The following CLASP2 variants were observed in gnomAD, a reference collection of about 807,000 sequenced individuals.
CLASP2 encodes the protein cytoplasmic linker associated protein 2, also known as CLIP-associating protein 2.
CLASP2 carries 47 observed loss-of-function variants against 194.4 expected under a neutral mutation model. The ratio of observed to expected loss-of-function variants is 0.24; its 90% CI spans 0.19 to 0.31. The LOEUF is 0.31. Among genes scored for constraint, CLASP2 ranks in the 10% least tolerant of loss-of-function variants. The pLI is 1.00. For missense variants in CLASP2, 1,445 were observed against 1,823.6 expected (o/e 0.79, Z 3.78); for synonymous variants, 619 against 633.5 (o/e 0.98, Z 0.34).
At chr3:33,619,402 T>C (rs1446912517) in intron 12 of CLASP2, among the ~76,000 whole-genome samples, 2 of 152,154 alleles carry the variant, frequency 1.3e-5, no homozygotes, top group African/African-American at 4.8e-5. Flanking sequence ...TTTGCAATCC[T>C]CTAGTTCTAT....
chr3:33,717,850 T>A lies in CLASP2; in HGVS notation c.153A>T (p.Thr51=). 1 of 1,565,366 alleles carries A rather than the reference T, an allele frequency of 6.4e-7. No homozygotes were observed. Among genetic ancestry groups the A allele is most frequent in the Admixed American group, 1.9e-5 (1 of 52,508 alleles). ...LEEDLGRLGK[T]VDALTGWVGS... is the part of the protein sequence containing the mutation. ...CCACCCAGCCGGTGAGCGCGTCGAC[T>A]GTCTTGCCTAGGCGGCCCAGGTCCT... The change falls in exon 1 of 39, where the codon ACA becomes ACT. Residue 51 remains threonine, a synonymous_variant. Coordinates refer to ENST00000682230, the MANE Select transcript of CLASP2 (RefSeq NM_001365631.1).
At chr3:33,566,781 GA>G (rs750368011) in intron 26 of CLASP2, 47 bp from the exon 27 acceptor site, 6 of 415,778 alleles carry the variant, frequency 1.4e-5, no homozygotes, top group East Asian at 7.6e-5. Flanking sequence ...AAGAAAAAAA[GA>G]AAAAAAAGAA....
chr3:33,556,618 G>A (rs896470669), intron 29 of CLASP2, among the ~76,000 whole-genome samples: 1 of 151,840 alleles, frequency 6.6e-6, no homozygotes, highest in Non-Finnish European at 1.5e-5. Context: ...TGTATTTTTA[G>A]TAGAGACATG....
chr3:33,711,609 A>G (rs1382871504), intron 1 of CLASP2, among the ~76,000 whole-genome samples: 1 of 151,926 alleles, frequency 6.6e-6, no homozygotes, highest in Admixed American at 6.6e-5. Context: ...ATGAAGACAG[A>G]AAATAGAATT....
intron 1 of CLASP2, among the ~76,000 whole-genome samples, chr3:33,714,380 T>C (rs2093185964): frequency 6.6e-6 from 1 of 152,204 alleles, no homozygotes; most frequent in Non-Finnish European, 1.5e-5. Context: ...CAACTGTCTA[T>C]CATCTCAACT....
intron 34 of CLASP2, among the ~76,000 whole-genome samples, 164 bp downstream of exon 34, chr3:33,535,069 G>A (rs2057080981): frequency 6.6e-6 from 1 of 152,142 alleles, no homozygotes; most frequent in Non-Finnish European, 1.5e-5. Context: ...AGAAGAAAAT[G>A]ACCAAAGCAC....
rs2048189726 is a variant in CLASP2 at position 33,506,377 on chromosome 3, C to CAAAAAAAAAAAAAAAAAAAAA, written c.4317+4180_4317+4181insTTTTTTTTTTTTTTTTTTTTT. On this transcript the variant is annotated intron_variant, in intron 37 of 38. Coordinates refer to ENST00000682230, the MANE Select transcript of CLASP2 (RefSeq NM_001365631.1). ...TGGGTGACAGAGTGAGACTCTGTCT[C>CAAAAAAAAAAAAAAAAAAAAA]GAAAAAAAAAAAAAAAAAAAAAAAA... 2.3e-4 allele frequency among the ~76,000 whole-genome samples: 14 copies of CAAAAAAAAAAAAAAAAAAAAA among 61,890 alleles called. 5 individuals are homozygous for CAAAAAAAAAAAAAAAAAAAAA. The highest frequency in any genetic ancestry group is 8.1e-4 in the Admixed American group (3 of 3,686). The allele number at this position is 61,890 out of a possible 152,430, so 40.6% of individuals were successfully genotyped here.
Position 33,543,444 on chromosome 3 carries a change from A to G in CLASP2, c.3393T>C (p.Thr1131=). Residue 1131 remains threonine (T), a synonymous_variant, in exon 32 of 39, where the codon ACT becomes ACC. Transcript: ENST00000682230. The part of the protein sequence containing the change: ...LTSPTNTSQN[T]LSPSAFDYDT... ...CATCCTTTTATTACCTTGGAGATAA[A>G]GTATTCTGTGATGTATTGGTAGGAG... 6.3e-7 allele frequency: 1 copy of G among 1,579,748 alleles called. No homozygotes were observed. The highest frequency in any genetic ancestry group is 8.7e-7 in the Non-Finnish European group (1 of 1,148,508).
chr3:33,664,537 T>C (rs2085845079), intron 6 of CLASP2, among the ~76,000 whole-genome samples: 1 of 152,222 alleles, frequency 6.6e-6, no homozygotes, highest in Non-Finnish European at 1.5e-5. Context: ...ATTATTGGCT[T>C]ATTTCAGTAA....
chr3:33,615,322 C>A (rs1264826027), intron 12 of CLASP2, among the ~76,000 whole-genome samples: 4 of 135,708 alleles, frequency 2.9e-5, no homozygotes, highest in African/African-American at 2.8e-5. Flanking sequence ...TTTTAAAAGG[C>A]AGAGAGGAGC....
intron 6 of CLASP2, among the ~76,000 whole-genome samples, chr3:33,680,205 G>A (rs920130728): frequency 2.6e-5 from 4 of 152,172 alleles, no homozygotes; most frequent in Non-Finnish European, 5.9e-5. Flanking sequence ...GCCAGAGGGA[G>A]GGATAAACAG....
intron 1 of CLASP2, among the ~76,000 whole-genome samples, chr3:33,712,336 A>C (rs565928947): frequency 5.1e-4 from 77 of 152,100 alleles, no homozygotes; most frequent in Non-Finnish European, 1.0e-3. Context: ...TGATAAAATA[A>C]ACTTTGGGGA....
At chr3:33,661,774 AG>A (rs1293164194) in intron 7 of CLASP2, among the ~76,000 whole-genome samples, 1 of 152,206 alleles carries the variant, frequency 6.6e-6, no homozygotes, top group Non-Finnish European at 1.5e-5. Flanking sequence ...GGGAATCATT[AG>A]CAAAGAGTTA....
chr3:33,617,848 A>G (rs568551625), intron 12 of CLASP2, among the ~76,000 whole-genome samples: 1 of 151,200 alleles, frequency 6.6e-6, no homozygotes, highest in African/African-American at 2.4e-5. Flanking sequence ...GATACTGATA[A>G]AAGACAATAT....
At chr3:33,619,770 A>G in intron 11 of CLASP2, 32 bp from the exon 12 acceptor site, 2 of 1,516,300 alleles carry the variant, frequency 1.3e-6, no homozygotes, top group Non-Finnish European at 8.9e-7. Context: ...ATTTTTTAAT[A>G]GTTTAACATT....
At position 33,688,183 on chromosome 3, in the gene CLASP2, G is replaced by A. The variant is rs940235578; in HGVS notation, c.470+94C>T. ...TATATGCTTTAATAATTTTAAATGT[G>A]TTATTACCATAGCTTTCCTTGACTT... On this transcript the variant is annotated intron_variant, in intron 4 of 38. Transcript: ENST00000682230. 19 of 845,330 alleles carry A rather than the reference G, an allele frequency of 2.2e-5. 2 individuals are homozygous for A. In the South Asian group the frequency reaches 3.8e-4, roughly 17 times the overall value. 52.4% of individuals were successfully genotyped at this position (845,330 alleles called of 1,614,324 possible).
Position 33,644,882 on chromosome 3 carries a change from T to C in CLASP2, c.737A>G (p.Glu246Gly). The change falls in exon 8 of 39, where the codon GAA becomes GGA. Residue 246 changes from glutamate to glycine, a missense_variant. Physicochemically the swap from Glu to Gly is moderately conservative, Grantham distance 98. Coordinates refer to ENST00000682230, the MANE Select transcript of CLASP2 (RefSeq NM_001365631.1). ...VCKDKSFDDE[E>G]SVDGNRPSSA... is the part of the protein sequence containing the mutation. Reference sequence around the variant, plus strand: ...TGATGGCCTATTTCCATCCACTGATTCTTCATCATCGAAGCTTTTATCTGC... The same window carrying C: ...TGATGGCCTATTTCCATCCACTGATCCTTCATCATCGAAGCTTTTATCTGC... 6.2e-7 allele frequency: 1 copy of C among 1,601,840 alleles called. No individual in the cohort carries two copies. The highest frequency in any genetic ancestry group is 8.5e-7 in the Non-Finnish European group (1 of 1,173,334).
chr3:33,569,479 C>T (rs534177746), intron 26 of CLASP2, among the ~76,000 whole-genome samples: 1 of 152,264 alleles, frequency 6.6e-6, no homozygotes, highest in East Asian at 1.9e-4. Context: ...CTGTCTTGTC[C>T]TTTGGCTTAT....
chr3:33,717,863 C>G lies in CLASP2; in HGVS notation c.140G>C (p.Arg47Pro), dbSNP rs865810099. The G allele has an allele frequency of 1.3e-6, 2 of 1,564,458 alleles. No individual in the cohort carries two copies. The highest frequency in any genetic ancestry group is 1.7e-6 in the Non-Finnish European group (2 of 1,155,252). ...GAGCGCGTCGACTGTCTTGCCTAGG[C>G]GGCCCAGGTCCTCCTCCAGGTCCGA... ...AISDLEEDLG[R>P]LGKTVDALTG... is the part of the protein sequence containing the mutation. Residue 47 changes from arginine to proline, a missense_variant, in exon 1 of 39, where the codon CGC becomes CCC. Physicochemically the swap from Arg to Pro is moderately radical, Grantham distance 103. Transcript: ENST00000682230.
Sources: gnomAD v4.1 joint callset for allele counts (sites outside exome capture counted in the v4.1 genomes callset) on GRCh38, gnomAD v4.1.1 for gene constraint, MANE v1.5 for transcripts, NCBI Gene and HGNC (gene_info 2026-07-23, HGNC 2026-07-21) for gene names.